PDZRN4: variants seen among roughly 807,000 people sequenced by gnomAD.
PDZRN4 encodes PDZ domain containing ring finger 4.
PDZRN4 carries 70 observed loss-of-function variants against 99.0 expected under a neutral mutation model. The observed-to-expected ratio is 0.71, with a 90% confidence interval of 0.58 to 0.86. PDZRN4 has a LOEUF of 0.86. Among genes scored for constraint, PDZRN4 ranks in the 40% least tolerant of loss-of-function variants. The pLI is 0.00. For missense variants in PDZRN4, 1,474 were observed against 1,331.2 expected (o/e 1.11, Z -1.67); for synonymous variants, 551 against 501.6 (o/e 1.10, Z -1.32).
intron 7 of PDZRN4, among the ~76,000 whole-genome samples, chr12:41,562,099 A>G (rs1217256265): frequency 2.0e-5 from 3 of 152,302 alleles, no homozygotes; most frequent in South Asian, 2.1e-4. Flanking sequence ...AATTGCAAAA[A>G]CAAATAGGGA....
At chr12:41,378,053 C>A (rs1461490542) in intron 3 of PDZRN4, among the ~76,000 whole-genome samples, 1 of 152,150 alleles carries the variant, frequency 6.6e-6, no homozygotes, top group Admixed American at 6.5e-5. Context: ...ATGCTTGTCA[C>A]TTTCCTGATC....
chr12:41,501,520 A>G (rs928219067), intron 3 of PDZRN4, among the ~76,000 whole-genome samples: 5 of 152,144 alleles, frequency 3.3e-5, no homozygotes, highest in Non-Finnish European at 7.4e-5. Context: ...AAATATTACC[A>G]TGATATGGTT....
chr12:41,363,575 T>C (rs935383520), intron 3 of PDZRN4, among the ~76,000 whole-genome samples: 2 of 152,056 alleles, frequency 1.3e-5, no homozygotes, highest in Non-Finnish European at 2.9e-5. Flanking sequence ...TTTGTTCAGG[T>C]TGCATTTGCT....
At chr12:41,366,788 T>C (rs767607061) in intron 3 of PDZRN4, among the ~76,000 whole-genome samples, 20 of 152,130 alleles carry the variant, frequency 1.3e-4, no homozygotes, top group Non-Finnish European at 2.2e-4. Flanking sequence ...TGTAATTACA[T>C]TACAGTTATT....
At chr12:41,375,563 G>C (rs1184592043) in intron 3 of PDZRN4, among the ~76,000 whole-genome samples, 1 of 152,108 alleles carries the variant, frequency 6.6e-6, no homozygotes, top group African/African-American at 2.4e-5. Context: ...AAAACCCTGA[G>C]AAGTTAACAA....
intron 5 of PDZRN4, among the ~76,000 whole-genome samples, chr12:41,526,533 G>A (rs1299052314): frequency 6.6e-6 from 1 of 152,158 alleles, no homozygotes; most frequent in Non-Finnish European, 1.5e-5. Context: ...GGAATGTGGA[G>A]CATAAGGAAA....
intron 3 of PDZRN4, among the ~76,000 whole-genome samples, chr12:41,220,787 A>G (rs1950950218): frequency 6.6e-6 from 1 of 152,242 alleles, no homozygotes. Context: ...AGGTAGATCC[A>G]TAATAATGAG....
chr12:41,267,097 G>A (rs1235176543), intron 3 of PDZRN4, among the ~76,000 whole-genome samples: 2 of 152,126 alleles, frequency 1.3e-5, no homozygotes, highest in African/African-American at 2.4e-5. Flanking sequence ...AAAAATAACT[G>A]TAGTGTTGGT....
intron 3 of PDZRN4, among the ~76,000 whole-genome samples, chr12:41,352,695 T>C (rs1951899570): frequency 6.6e-6 from 1 of 152,086 alleles, no homozygotes; most frequent in African/African-American, 2.4e-5. Context: ...TGGAGGTGGG[T>C]GATTCAGAAT....
At chr12:41,452,426 G>C (rs1360080768) in intron 3 of PDZRN4, among the ~76,000 whole-genome samples, 2 of 143,720 alleles carry the variant, frequency 1.4e-5, no homozygotes, top group African/African-American at 5.3e-5. Context: ...GCGACAAAGT[G>C]AGCCTCCGTC....
intron 3 of PDZRN4, among the ~76,000 whole-genome samples, chr12:41,260,482 G>A (rs1294824430): frequency 6.6e-6 from 1 of 152,068 alleles, no homozygotes; most frequent in African/African-American, 2.4e-5. Context: ...TGTAGCATAT[G>A]TAAGTTATGA....
At chr12:41,239,700 C>T (rs1463721038) in intron 3 of PDZRN4, among the ~76,000 whole-genome samples, 7 of 152,084 alleles carry the variant, frequency 4.6e-5, no homozygotes, top group East Asian at 1.9e-4. Context: ...TTTTATTTTA[C>T]GAAGCTTTAG....
chr12:41,251,835 G>A (rs1441604200), intron 3 of PDZRN4, among the ~76,000 whole-genome samples: 1 of 152,086 alleles, frequency 6.6e-6, no homozygotes, highest in African/African-American at 2.4e-5. Context: ...TTAAAATAAG[G>A]CGAGGCATGG....
At chr12:41,304,578 G>A (rs1179904061) in intron 3 of PDZRN4, among the ~76,000 whole-genome samples, 5 of 152,046 alleles carry the variant, frequency 3.3e-5, no homozygotes, top group Non-Finnish European at 5.9e-5. Context: ...TTTCTTCAAC[G>A]CCTTCTTAAG....
intron 7 of PDZRN4, among the ~76,000 whole-genome samples, chr12:41,557,678 G>A (rs954935381): frequency 2.7e-5 from 4 of 150,698 alleles, no homozygotes; most frequent in African/African-American, 9.8e-5. Flanking sequence ...ATAGTGCAGA[G>A]CTCCTTTTTT....
At chr12:41,388,684 A>G (rs900319490) in intron 3 of PDZRN4, among the ~76,000 whole-genome samples, 1 of 152,214 alleles carries the variant, frequency 6.6e-6, no homozygotes, top group Non-Finnish European at 1.5e-5. Flanking sequence ...CAGAAACAGC[A>G]TAATTTGGAA....
At chr12:41,474,349 C>A (rs1311859502) in intron 3 of PDZRN4, among the ~76,000 whole-genome samples, 2 of 152,190 alleles carry the variant, frequency 1.3e-5, no homozygotes, top group Admixed American at 1.3e-4. Flanking sequence ...TTTTTAATCT[C>A]TCATAAAGCA....
chr12:41,550,909 A>G (rs546985419), intron 5 of PDZRN4, among the ~76,000 whole-genome samples: 2 of 152,318 alleles, frequency 1.3e-5, no homozygotes, highest in East Asian at 3.9e-4. Context: ...ATTGAAAAGG[A>G]GGATATATAC....
intron 3 of PDZRN4, among the ~76,000 whole-genome samples, chr12:41,466,753 T>G (rs1952929579): frequency 7.4e-6 from 1 of 134,710 alleles, no homozygotes; most frequent in Non-Finnish European, 1.5e-5. Context: ...TTTCCAGTGT[T>G]TTTTTTTTTT....
Sources: allele counts gnomAD v4.1 joint callset (sites outside exome capture counted in the v4.1 genomes callset), GRCh38; gene constraint gnomAD v4.1.1; transcripts MANE v1.5; gene names NCBI Gene and HGNC (gene_info 2026-07-23, HGNC 2026-07-21).